ITPRID1: variants seen among roughly 807,000 people sequenced by gnomAD.
ITPRID1 encodes the protein ITPR interacting domain containing 1, also known as protein ITPRID1.
A neutral mutation model predicts 95.4 loss-of-function variants in ITPRID1; 96 were observed. The ratio of observed to expected loss-of-function variants is 1.01; its 90% CI spans 0.85 to 1.19. The LOEUF is 1.19. ITPRID1 is among the 50% of genes most tolerant of loss of function. The pLI, the probability that ITPRID1 is intolerant of heterozygous loss-of-function variation, is 0.00. For missense variants in ITPRID1, 1,339 were observed against 1,252.9 expected (o/e 1.07, Z -1.04); for synonymous variants, 510 against 453.6 (o/e 1.12, Z -1.58).
chr7:31,649,003 G>A (rs1432514395), intron 12 of ITPRID1, among the ~76,000 whole-genome samples: 1 of 152,184 alleles, frequency 6.6e-6, no homozygotes, highest in Non-Finnish European at 1.5e-5. Context: ...CCATAATCTA[G>A]CATTCCTGCC....
At chr7:31,562,963 G>A (rs1784675590) in intron 5 of ITPRID1, among the ~76,000 whole-genome samples, 1 of 152,112 alleles carries the variant, frequency 6.6e-6, no homozygotes. Flanking sequence ...TGTGGCTCTT[G>A]GCCAGTGCTG....
intron 9 of ITPRID1, among the ~76,000 whole-genome samples, chr7:31,580,325 A>G (rs1232492549): frequency 3.3e-5 from 5 of 151,860 alleles, no homozygotes; most frequent in African/African-American, 4.8e-5. Flanking sequence ...AGAATGTTAA[A>G]TCAATCTGCT....
At position 31,553,124 on chromosome 7, in the gene ITPRID1, C is replaced by A; in HGVS notation, c.100C>A (p.Leu34Met). Residue 34 changes from leucine to methionine, a missense_variant, in exon 3 of 15, where the codon CTG (leucine) becomes ATG (methionine). Coordinates refer to ENST00000615280, the MANE Select transcript of ITPRID1 (RefSeq NM_001257967.3). ...GTGCACCAAAAGCGCGTGGGCTCCG[C>A]TGGATGAGTGGCTGCCCCCTGACCC... ...LKCTKSAWAP[L>M]DEWLPPDPEE... is the part of the protein sequence containing the mutation. 2 of 1,596,780 alleles carry A rather than the reference C, an allele frequency of 1.3e-6. No individual in the cohort carries two copies. Among genetic ancestry groups the A allele is most frequent in the Non-Finnish European group, 1.7e-6 (2 of 1,170,926 alleles).
In ITPRID1 at chr7:31,651,319, A is replaced by G. The variant is rs745839800; in HGVS notation, c.2711+50A>G. The G allele has an allele frequency of 8.2e-6, 13 of 1,592,070 alleles. 2 individuals are homozygous for G. In the South Asian group the frequency reaches 1.5e-4, roughly 18 times the overall value. The stretch of plus-strand genomic sequence containing the variant: ...AGTAAGTACCAGCCCACACACCTGG[A>G]GCAAGGAAGATAATCAGGGCAGAAC... On this transcript the variant is annotated intron_variant, in intron 13 of 14. Transcript: ENST00000615280.
intron 10 of ITPRID1, among the ~76,000 whole-genome samples, chr7:31,639,221 C>T (rs1160402754): frequency 2.6e-5 from 4 of 152,200 alleles, no homozygotes; most frequent in African/African-American, 7.2e-5. Context: ...GTTACCTATA[C>T]CTGAGGCTAC....
At chr7:31,579,797 T>G (rs1271328219) in intron 9 of ITPRID1, among the ~76,000 whole-genome samples, 1 of 152,086 alleles carries the variant, frequency 6.6e-6, no homozygotes, top group African/African-American at 2.4e-5. Context: ...ATGCCTTGTA[T>G]AAAAATTAAA....
intron 5 of ITPRID1, chr7:31,555,124 A>G (rs1784406121): frequency 6.1e-6 from 3 of 492,780 alleles, no homozygotes; most frequent in Middle Eastern, 5.4e-4. Flanking sequence ...GGCTCTTGCC[A>G]TATCATCAAT....
chr7:31,539,061 C>G (rs1305369270), intron 1 of ITPRID1, among the ~76,000 whole-genome samples: 2 of 152,156 alleles, frequency 1.3e-5, no homozygotes, highest in Non-Finnish European at 2.9e-5. Flanking sequence ...TTTGGATGTA[C>G]CAGTTTATGT....
At chr7:31,613,332 T>C (rs1036689848) in intron 10 of ITPRID1, among the ~76,000 whole-genome samples, 3 of 152,170 alleles carry the variant, frequency 2.0e-5, no homozygotes, top group Admixed American at 6.5e-5. Flanking sequence ...CTTTGGTTAA[T>C]TTCTAGGGTT....
At chr7:31,552,498 G>A (rs185440743) in intron 2 of ITPRID1, among the ~76,000 whole-genome samples, 3 of 152,084 alleles carry the variant, frequency 2.0e-5, no homozygotes, top group Non-Finnish European at 2.9e-5. Flanking sequence ...AGAGTGTATC[G>A]CCAGTTTAGA....
At chr7:31,551,942 T>C in intron 2 of ITPRID1, 1 of 415,296 alleles carries the variant, frequency 2.4e-6, no homozygotes, top group South Asian at 1.7e-5. Context: ...AAGTGTGGCT[T>C]GAAACCTCAC....
intron 1 of ITPRID1, among the ~76,000 whole-genome samples, chr7:31,523,768 G>T (rs1185312353): frequency 6.6e-6 from 1 of 152,154 alleles, no homozygotes; most frequent in Non-Finnish European, 1.5e-5. Flanking sequence ...CCAGTCTCGG[G>T]TATTTATAAC....
At chr7:31,646,702 C>T (rs571155404) in intron 12 of ITPRID1, among the ~76,000 whole-genome samples, 18 of 152,100 alleles carry the variant, frequency 1.2e-4, no homozygotes, top group Non-Finnish European at 2.5e-4. Context: ...CATATCAGCA[C>T]TCCTGCAGAA....
chr7:31,623,886 C>T (rs1788177147), intron 10 of ITPRID1, among the ~76,000 whole-genome samples: 1 of 151,812 alleles, frequency 6.6e-6, no homozygotes, highest in South Asian at 2.1e-4. Flanking sequence ...TGTCTCAGCC[C>T]AAAATCTCCT....
At position 31,655,674 on chromosome 7, in the gene ITPRID1, C is replaced by T. The variant is rs1367310199; in HGVS notation, c.*2845C>T. On this transcript the variant is annotated 3_prime_UTR_variant, in exon 15 of 15. Transcript: ENST00000615280. ...CCTTTTTGCCACATCCCCATCTTGG[C>T]TCCTATATCATGGCTCAGCTCCCAG... 9.8e-5 allele frequency: 92 copies of T among 939,062 alleles called. No homozygotes were observed. The highest frequency in any genetic ancestry group is 1.1e-4 in the Non-Finnish European group (88 of 787,416). 58.2% of individuals were successfully genotyped at this position (939,062 alleles called of 1,614,324 possible).
At chr7:31,520,156 T>A (rs1014231289) in intron 1 of ITPRID1, among the ~76,000 whole-genome samples, 2 of 152,086 alleles carry the variant, frequency 1.3e-5, no homozygotes, top group Non-Finnish European at 2.9e-5. Context: ...TTTCTTATTA[T>A]TACACTGGGG....
chr7:31,528,342 A>C (rs981730725), intron 1 of ITPRID1, among the ~76,000 whole-genome samples: 20 of 152,296 alleles, frequency 1.3e-4, no homozygotes, highest in Middle Eastern at 3.4e-3. Flanking sequence ...GAAGCTATTA[A>C]AATAAGGTCA....
At chr7:31,561,965 T>C (rs1784638140) in intron 5 of ITPRID1, among the ~76,000 whole-genome samples, 1 of 147,972 alleles carries the variant, frequency 6.8e-6, no homozygotes, top group Non-Finnish European at 1.5e-5. Flanking sequence ...AAAGAGCCCA[T>C]GGTCATGGAT....
At position 31,652,733 on chromosome 7, in the gene ITPRID1, C is replaced by T. The variant is rs1791075808; in HGVS notation, c.3039C>T (p.Thr1013=). 1.2e-6 allele frequency: 2 copies of T among 1,613,880 alleles called. No homozygotes were observed. Among genetic ancestry groups the T allele is most frequent in the Non-Finnish European group, 1.7e-6 (2 of 1,179,884 alleles). The change falls in exon 15 of 15, where the codon ACC becomes ACT. Residue 1013 remains threonine (T), a synonymous_variant. Coordinates refer to ENST00000615280, the MANE Select transcript of ITPRID1 (RefSeq NM_001257967.3). The part of the protein sequence containing the change: ...AFTPPTLENS[T]RMSPSSSAWA... ...CTCCACCCACCTTGGAGAACAGCAC[C>T]AGGATGTCTCCTTCATCATCAGCTT...
Sources: gnomAD v4.1 joint callset for allele counts (sites outside exome capture counted in the v4.1 genomes callset) on GRCh38, gnomAD v4.1.1 for gene constraint, MANE v1.5 for transcripts, NCBI Gene and HGNC (gene_info 2026-07-23, HGNC 2026-07-21) for gene names.